CTNNA3: variants seen among roughly 807,000 people sequenced by gnomAD.
CTNNA3 encodes catenin alpha 3, also known as catenin alpha-3.
A neutral mutation model predicts 95.7 loss-of-function variants in CTNNA3; 76 were observed. The observed-to-expected ratio is 0.79, with a 90% confidence interval of 0.66 to 0.96. The LOEUF (loss-of-function observed/expected upper bound fraction) is 0.96, where lower values mean the gene tolerates loss of function less well. Among genes scored for constraint, CTNNA3 ranks in the 40% least tolerant of loss-of-function variants. CTNNA3 has a pLI of 0.00. For missense variants in CTNNA3, 1,191 were observed against 1,089.8 expected (o/e 1.09, Z -1.31); for synonymous variants, 431 against 374.4 (o/e 1.15, Z -1.74).
Position 66,335,125 on chromosome 10 carries a change from A to G in CTNNA3, c.1732+44027T>C, listed in dbSNP as rs2092379831. 3.9e-5 allele frequency among the ~76,000 whole-genome samples: 6 copies of G among 151,970 alleles called. 1 individual carries two copies. Reference sequence around the variant, plus strand: ...TCTGCATTGGTTATTCTAGTTAGCCATTTGTCAAATTTTTTTTCAAGGTTT... The same window carrying G: ...TCTGCATTGGTTATTCTAGTTAGCCGTTTGTCAAATTTTTTTTCAAGGTTT... On this transcript the variant is annotated intron_variant, in intron 12 of 17. Transcript: ENST00000433211.
chr10:66,949,377 A>T (rs746104405), intron 7 of CTNNA3, among the ~76,000 whole-genome samples: 3 of 151,984 alleles, frequency 2.0e-5, no homozygotes, highest in Non-Finnish European at 4.4e-5. Context: ...ACCAACATGG[A>T]GAAACCCCGT....
chr10:67,687,936 A>T (rs1028760456), intron 1 of CTNNA3, among the ~76,000 whole-genome samples: 1 of 152,088 alleles, frequency 6.6e-6, no homozygotes, highest in Non-Finnish European at 1.5e-5. Flanking sequence ...CATACTGGGG[A>T]TGGCTTGCTG....
intron 7 of CTNNA3, among the ~76,000 whole-genome samples, chr10:66,944,595 G>C (rs892517272): frequency 6.6e-6 from 1 of 151,966 alleles, no homozygotes; most frequent in Admixed American, 6.6e-5. Flanking sequence ...AATTTACTTT[G>C]CCCAGATCCA....
chr10:67,144,153 TG>T (rs1860730883), intron 7 of CTNNA3, among the ~76,000 whole-genome samples: 1 of 152,248 alleles, frequency 6.6e-6, no homozygotes, highest in Non-Finnish European at 1.5e-5. Context: ...AGCAATATTT[TG>T]AAAGGAATCT....
intron 17 of CTNNA3, among the ~76,000 whole-genome samples, chr10:65,955,056 A>T (rs1447769452): frequency 6.6e-6 from 1 of 151,952 alleles, no homozygotes; most frequent in East Asian, 1.9e-4. Context: ...GTCCTCTTTT[A>T]TTTCATTGAG....
chr10:65,973,205 A>T (rs188135863), intron 16 of CTNNA3, among the ~76,000 whole-genome samples: 1 of 152,310 alleles, frequency 6.6e-6, no homozygotes, highest in East Asian at 1.9e-4. Flanking sequence ...TTAACTCAAC[A>T]TGAATTAAAG....
At chr10:66,639,353 T>G (rs1845441189) in intron 9 of CTNNA3, among the ~76,000 whole-genome samples, 1 of 152,220 alleles carries the variant, frequency 6.6e-6, no homozygotes, top group South Asian at 2.1e-4. Context: ...AATAAAGTAT[T>G]CGTATTTATC....
rs1019112248 is a variant in CTNNA3 at position 67,562,312 on chromosome 10, C to G, written c.293-22643G>C. On this transcript the variant is annotated intron_variant, in intron 3 of 17. Coordinates refer to ENST00000433211, the MANE Select transcript of CTNNA3 (RefSeq NM_013266.4). ...CACCATGATCAAGTGGGCTTCATCG[C>G]TGGGATGCAAGGCTGGTTCAACATA... Among the ~76,000 whole-genome samples the G allele has an allele frequency of 8.5e-5, 13 of 152,162 alleles. No homozygotes were observed. In the South Asian group the frequency reaches 1.2e-3, roughly 15 times the overall value.
intron 14 of CTNNA3, chr10:66,097,943 C>A (rs1279613312): frequency 6.6e-6 from 1 of 152,078 alleles, no homozygotes. Context: ...TGGGAACTAA[C>A]TTTGGATCCT....
chr10:67,643,894 T>C (rs1839618496), intron 2 of CTNNA3, among the ~76,000 whole-genome samples: 1 of 152,206 alleles, frequency 6.6e-6, no homozygotes, highest in Non-Finnish European at 1.5e-5. Context: ...TAGTATTCAA[T>C]GGTGTATATG....
chr10:66,457,496 T>C (rs531745249), intron 11 of CTNNA3, among the ~76,000 whole-genome samples: 4 of 152,142 alleles, frequency 2.6e-5, no homozygotes, highest in African/African-American at 7.2e-5. Context: ...AGCAATACTA[T>C]TCCTGGGAAT....
At chr10:65,934,841 T>C (rs1267975173) in intron 17 of CTNNA3, among the ~76,000 whole-genome samples, 1 of 152,080 alleles carries the variant, frequency 6.6e-6, no homozygotes, top group Non-Finnish European at 1.5e-5. Context: ...TAGGTAATCA[T>C]TGATTGAGGA....
intron 9 of CTNNA3, among the ~76,000 whole-genome samples, chr10:66,706,321 A>G (rs1011565251): frequency 6.6e-6 from 1 of 151,560 alleles, no homozygotes; most frequent in Non-Finnish European, 1.5e-5. Context: ...GCTTTCATTC[A>G]ATTAATCTAC....
At chr10:67,679,885 T>C (rs1840595418) in intron 1 of CTNNA3, among the ~76,000 whole-genome samples, 1 of 152,314 alleles carries the variant, frequency 6.6e-6, no homozygotes, top group African/African-American at 2.4e-5. Flanking sequence ...CTTCTAGGGA[T>C]CTGAACATAC....
chr10:66,302,987 C>T (rs924675586), intron 12 of CTNNA3, among the ~76,000 whole-genome samples: 1 of 152,098 alleles, frequency 6.6e-6, no homozygotes, highest in Non-Finnish European at 1.5e-5. Flanking sequence ...AGCTTCTCAA[C>T]AGATAGAAAT....
intron 7 of CTNNA3, among the ~76,000 whole-genome samples, chr10:67,178,003 C>G (rs1244577707): frequency 2.0e-5 from 3 of 152,276 alleles, no homozygotes; most frequent in Middle Eastern, 3.4e-3. Flanking sequence ...TCTGCTACCA[C>G]AGTCTTGAAT....
intron 11 of CTNNA3, among the ~76,000 whole-genome samples, chr10:66,452,925 C>T (rs920014481): frequency 6.6e-6 from 1 of 151,982 alleles, no homozygotes; most frequent in East Asian, 1.9e-4. Flanking sequence ...CTTAAAAATC[C>T]GAGCCTCTGG....
intron 11 of CTNNA3, among the ~76,000 whole-genome samples, chr10:66,447,123 G>A (rs2093428535): frequency 6.6e-6 from 1 of 151,902 alleles, no homozygotes; most frequent in African/African-American, 2.4e-5. Context: ...TACAAGGGAT[G>A]TGAAGGGCCT....
intron 17 of CTNNA3, among the ~76,000 whole-genome samples, chr10:65,947,908 C>A (rs1407864966): frequency 6.6e-6 from 1 of 152,176 alleles, no homozygotes; most frequent in Non-Finnish European, 1.5e-5. Context: ...TTGAACTCTA[C>A]AGCTGGTTGG....
Sources: allele counts gnomAD v4.1 joint callset (sites outside exome capture counted in the v4.1 genomes callset), GRCh38; gene constraint gnomAD v4.1.1; transcripts MANE v1.5; gene names NCBI Gene and HGNC (gene_info 2026-07-23, HGNC 2026-07-21).